Variants in C12orf42 observed in about 807,000 individuals in gnomAD.
C12orf42 encodes the protein uncharacterized protein C12orf42.
Under a neutral mutation model 21.6 loss-of-function variants are expected in C12orf42, and 25 were observed. The ratio of observed to expected loss-of-function variants is 1.16; its 90% CI spans 0.84 to 1.62. The LOEUF is 1.62. C12orf42 is among the 40% of genes most tolerant of loss of function. C12orf42 has a pLI of 0.00. For missense variants in C12orf42, 483 were observed against 459.3 expected (o/e 1.05, Z -0.47); for synonymous variants, 174 against 175.0 (o/e 0.99, Z 0.05).
At chr12:103,064,430 T>C in the C12orf42 span, among the ~76,000 whole-genome samples, 81 of 152,332 alleles carry the variant, frequency 5.3e-4, no homozygotes, top group African/African-American at 1.9e-3. Flanking sequence ...GTTCTGGCAT[T>C]GACTAATTAA....
chr12:103,210,706 A>G, the C12orf42 span, among the ~76,000 whole-genome samples: 1 of 134,178 alleles, frequency 7.5e-6, no homozygotes, highest in Admixed American at 9.0e-5. Flanking sequence ...TAGACTGCTC[A>G]TGATCAATAA....
chr12:103,113,715 T>C, the C12orf42 span, among the ~76,000 whole-genome samples: 1 of 152,226 alleles, frequency 6.6e-6, no homozygotes, highest in Admixed American at 6.5e-5. Flanking sequence ...GAGTTTGGTT[T>C]AAGGTAAGTA....
At chr12:103,540,077 A>G in the C12orf42 span, among the ~76,000 whole-genome samples, 1 of 151,834 alleles carries the variant, frequency 6.6e-6, no homozygotes, top group Non-Finnish European at 1.5e-5. Context: ...TGGAGCAATC[A>G]GCTCACTGCA....
the C12orf42 span, among the ~76,000 whole-genome samples, chr12:103,107,407 A>T: frequency 6.6e-6 from 1 of 151,996 alleles, no homozygotes; most frequent in South Asian, 2.1e-4. Flanking sequence ...CAGAAAATCG[A>T]AATACACATC....
At chr12:103,540,908 TTTC>T in the C12orf42 span, among the ~76,000 whole-genome samples, 167 of 152,318 alleles carry the variant, frequency 1.1e-3, no homozygotes, top group Non-Finnish European at 2.0e-3. Context: ...TCTTTCTTTC[TTTC>T]TTTTTTTTTA....
the C12orf42 span, among the ~76,000 whole-genome samples, chr12:103,532,836 T>C: frequency 3.0e-4 from 45 of 152,210 alleles, no homozygotes; most frequent in Non-Finnish European, 6.0e-4. Flanking sequence ...GAAGTGTCAG[T>C]CTTGCCAGCC....
intron 3 of C12orf42, among the ~76,000 whole-genome samples, chr12:103,391,488 G>A (rs963698243): frequency 2.0e-5 from 3 of 151,892 alleles, no homozygotes; most frequent in African/African-American, 4.8e-5. Flanking sequence ...ATACCTCATC[G>A]TGGTTTTGAT....
intron 10 of C12orf42, among the ~76,000 whole-genome samples, chr12:103,260,813 A>C (rs2034860532): frequency 6.6e-6 from 1 of 152,200 alleles, no homozygotes; most frequent in African/African-American, 2.4e-5. Context: ...GAGTTTTGCC[A>C]CTTTAATATA....
At chr12:103,518,073 A>G in the C12orf42 span, among the ~76,000 whole-genome samples, 836 of 152,308 alleles carry the variant, frequency 5.5e-3, 6 homozygotes, top group Middle Eastern at 0.017. Context: ...AAACTCGTTT[A>G]TCAGAATATA....
the C12orf42 span, among the ~76,000 whole-genome samples, chr12:103,053,493 A>G: frequency 2.6e-5 from 4 of 152,092 alleles, no homozygotes; most frequent in South Asian, 8.3e-4. Flanking sequence ...CATATTCTAG[A>G]TACTAGTCCT....
At chr12:103,558,379 C>T in the C12orf42 span, 2 of 152,260 alleles carry the variant, frequency 1.3e-5, no homozygotes, top group Non-Finnish European at 2.9e-5. Context: ...GTACCCTTCA[C>T]TCACGGTACT....
chr12:103,100,112 C>T, the C12orf42 span, among the ~76,000 whole-genome samples: 3 of 152,240 alleles, frequency 2.0e-5, no homozygotes, highest in Admixed American at 6.5e-5. Flanking sequence ...ATCAAACTGT[C>T]TGTACTGTTC....
At chr12:103,228,115 T>A in the C12orf42 span, among the ~76,000 whole-genome samples, 1 of 152,150 alleles carries the variant, frequency 6.6e-6, no homozygotes, top group African/African-American at 2.4e-5. Flanking sequence ...TTCATGTGCG[T>A]CCGTGTGAAG....
At chr12:103,187,587 T>C in the C12orf42 span, among the ~76,000 whole-genome samples, 1 of 152,196 alleles carries the variant, frequency 6.6e-6, no homozygotes, top group African/African-American at 2.4e-5. Context: ...GGTCTTTTCA[T>C]ATCAATGAGA....
At chr12:103,458,927 A>G (rs1287168147) in intron 2 of C12orf42, among the ~76,000 whole-genome samples, 1 of 151,702 alleles carries the variant, frequency 6.6e-6, no homozygotes, top group Non-Finnish European at 1.5e-5. Context: ...TTCTCTGAGA[A>G]GTAGACACCA....
At chr12:103,218,302 C>G in the C12orf42 span, among the ~76,000 whole-genome samples, 3 of 150,598 alleles carry the variant, frequency 2.0e-5, no homozygotes, top group African/African-American at 7.3e-5. Context: ...AAAAGTCTTT[C>G]TTTCTCCCCA....
chr12:103,203,070 T>A, the C12orf42 span, among the ~76,000 whole-genome samples: 1 of 152,128 alleles, frequency 6.6e-6, no homozygotes, highest in Non-Finnish European at 1.5e-5. Context: ...CTCCCAGATA[T>A]TTGATATTTG....
At chr12:103,433,637 C>A (rs1454440228) in intron 2 of C12orf42, among the ~76,000 whole-genome samples, 2 of 152,138 alleles carry the variant, frequency 1.3e-5, no homozygotes, top group African/African-American at 2.4e-5. Context: ...AAAGAAATGA[C>A]CTATTTTCTC....
the C12orf42 span, among the ~76,000 whole-genome samples, chr12:103,224,466 G>C: frequency 1.3e-5 from 2 of 152,140 alleles, no homozygotes; most frequent in Non-Finnish European, 2.9e-5. Context: ...TGAGGAACAG[G>C]AAAGAAGGAA....
Sources: allele counts gnomAD v4.1 joint callset (sites outside exome capture counted in the v4.1 genomes callset), GRCh38; gene constraint gnomAD v4.1.1; transcripts MANE v1.5; gene names NCBI Gene and HGNC (gene_info 2026-07-23, HGNC 2026-07-21).